The following LZTFL1 variants were observed in gnomAD, a reference collection of about 807,000 sequenced individuals.
LZTFL1 encodes the protein leucine zipper transcription factor-like protein 1.
LZTFL1 carries 25 observed loss-of-function variants against 45.9 expected under a neutral mutation model. The observed-to-expected ratio is 0.54, with a 90% CI of 0.40 to 0.76. The LOEUF (loss-of-function observed/expected upper bound fraction) is 0.76, where lower values mean the gene tolerates loss of function less well. LZTFL1 is among the 30% of genes least tolerant of loss of function. The pLI is 0.00. For missense variants in LZTFL1, 277 were observed against 331.1 expected, an observed-to-expected ratio of 0.84 and a Z score of 1.27; for synonymous variants, 93 against 117.4, an observed-to-expected ratio of 0.79 and a Z score of 1.35.
chr3:45,913,428 A>G (rs1177180061), intron 1 of LZTFL1, among the ~76,000 whole-genome samples: 1 of 152,196 alleles, frequency 6.6e-6, no homozygotes, highest in Admixed American at 6.5e-5. Context: ...ATTGAAACAC[A>G]ATTCTCCAAA....
Position 45,879,004 on chromosome 3 carries a change from C to G in LZTFL1, c.-214-19988G>C, listed in dbSNP as rs145027832. 2.8e-3 allele frequency among the ~76,000 whole-genome samples: 422 copies of G among 152,348 alleles called. 2 individuals carry two copies. The highest frequency in any genetic ancestry group is 9.6e-3 in the African/African-American group (401 of 41,580). ...ATTAGAATAGCCCAGGCCCTAAACA[C>G]ATAGCACCAAATGCTGGTAATGATA... is the stretch of plus-strand genomic sequence containing the variant. On this transcript the variant is annotated intron_variant, in intron 2 of 4. Transcript: ENST00000472635.
At chr3:45,843,831 C>T (rs886331448), upstream of LZTFL1, among the ~76,000 whole-genome samples, 1 of 152,196 alleles carries the variant, frequency 6.6e-6, no homozygotes, top group Non-Finnish European at 1.5e-5. Flanking sequence ...AAAGGCTGAA[C>T]TTGTACTTCA....
intron 2 of LZTFL1, among the ~76,000 whole-genome samples, chr3:45,906,468 C>T (rs1403525170): frequency 1.3e-5 from 2 of 152,186 alleles, no homozygotes; most frequent in Non-Finnish European, 2.9e-5. Context: ...GGAGGGTTGA[C>T]CAGCATTTGC....
At position 45,901,003 on chromosome 3, in the gene LZTFL1, T is replaced by C. The variant is rs1702535257; in HGVS notation, c.-215+12117A>G. 1 of 1,614,104 alleles carries C rather than the reference T, an allele frequency of 6.2e-7. No individual in the cohort carries two copies. Among genetic ancestry groups the C allele is most frequent in the African/African-American group, 1.3e-5 (1 of 74,940 alleles). On this transcript the variant is annotated intron_variant, in intron 2 of 4. Transcript: ENST00000472635. This position sits in a 1 kb window ranked among gnomAD's most constrained non-coding sequence, Gnocchi z 4.3. The stretch of plus-strand genomic sequence containing the variant: ...TTGGGCAACAGTCTTGTTATCCTTG[T>C]CTACTGGTACTGCACAAGAGTGAAG...
chr3:45,841,928 C>T, intron 1 of LZTFL1, 61 bp downstream of exon 1: 2 of 1,593,254 alleles, frequency 1.3e-6, no homozygotes, highest in African/African-American at 1.3e-5. Context: ...CGCTCAGTGT[C>T]TCCAGCCCCG....
Position 45,901,313 on chromosome 3 carries a change from G to A in LZTFL1, c.-215+11807C>T. The A allele has an allele frequency of 6.2e-7, 1 of 1,614,142 alleles. No individual in the cohort carries two copies. The highest frequency in any genetic ancestry group is 8.5e-7 in the Non-Finnish European group (1 of 1,180,022). The stretch of plus-strand genomic sequence containing the variant: ...TGGTTTGCTTTACCATCTGGGTATT[G>A]GCAGCTGCTCTCTGCATCCCAGAAA... On this transcript the variant is annotated intron_variant, in intron 2 of 4. Coordinates refer to the LZTFL1 transcript ENST00000472635. This position sits in a 1 kb window ranked among gnomAD's most constrained non-coding sequence, Gnocchi z 4.3.
chr3:45,841,878 G>T, intron 1 of LZTFL1, 111 bp downstream of exon 1: 2 of 1,405,054 alleles, frequency 1.4e-6, no homozygotes, highest in Non-Finnish European at 9.8e-7. Flanking sequence ...CTGAGGTGCG[G>T]CCAGACCCAA....
intron 2 of LZTFL1, among the ~76,000 whole-genome samples, chr3:45,908,500 A>G (rs1559430550): frequency 2.0e-5 from 3 of 152,202 alleles, no homozygotes; most frequent in South Asian, 2.1e-4. Context: ...GATGGTTATC[A>G]GTACAGGAAG....
intron 2 of LZTFL1, among the ~76,000 whole-genome samples, chr3:45,891,114 A>AT (rs1370435207): frequency 2.6e-5 from 4 of 152,176 alleles, no homozygotes; most frequent in Non-Finnish European, 5.9e-5. Flanking sequence ...AAAAAAAGTC[A>AT]TTTTTCAGAT....
chr3:45,893,030 C>T (rs369139597), intron 2 of LZTFL1, among the ~76,000 whole-genome samples: 24 of 152,156 alleles, frequency 1.6e-4, no homozygotes, highest in East Asian at 9.6e-4. Flanking sequence ...TAAGTTCTGA[C>T]GTACATACAC....
At chr3:45,827,322 A>G in intron 9 of LZTFL1, 34 bp downstream of exon 9, 1 of 1,434,024 alleles carries the variant, frequency 7.0e-7, no homozygotes. Flanking sequence ...CAATCCAGAG[A>G]GAGAAATCCA....
chr3:45,829,514 GGATCGCTT>G (rs1700756592), intron 7 of LZTFL1, among the ~76,000 whole-genome samples: 1 of 151,292 alleles, frequency 6.6e-6, no homozygotes, highest in Non-Finnish European at 1.5e-5. Flanking sequence ...TGAGGTGGGA[GGATCGCTT>G]GAGCCGGTGA....
chr3:45,861,563 A>G (rs566697474), intron 2 of LZTFL1, among the ~76,000 whole-genome samples: 2 of 152,306 alleles, frequency 1.3e-5, no homozygotes, highest in South Asian at 4.1e-4. Flanking sequence ...GCGATGATGC[A>G]TTATAGCATT....
At chr3:45,860,748 A>C (rs1701473156) in intron 2 of LZTFL1, among the ~76,000 whole-genome samples, 1 of 152,202 alleles carries the variant, frequency 6.6e-6, no homozygotes, top group Non-Finnish European at 1.5e-5. Flanking sequence ...GGAGTGTAGG[A>C]AGAGGTTGCA....
At chr3:45,849,697 A>T (rs1222675609) in intron 4 of LZTFL1, among the ~76,000 whole-genome samples, 4 of 152,234 alleles carry the variant, frequency 2.6e-5, no homozygotes, top group Non-Finnish European at 5.9e-5. Context: ...GAATGTCTTC[A>T]TTAAATCATC....
chr3:45,852,299 T>G (rs1238582547), intron 4 of LZTFL1, among the ~76,000 whole-genome samples: 2 of 152,230 alleles, frequency 1.3e-5, no homozygotes, highest in Non-Finnish European at 2.9e-5. Flanking sequence ...ACACACCCTT[T>G]AAGCCAGCAA....
rs532374013 is a variant in LZTFL1, at chr3:45,880,537, A to G, written c.-214-21521T>C. On this transcript the variant is annotated intron_variant, in intron 2 of 4. Coordinates refer to the LZTFL1 transcript ENST00000472635. ...GAAATCGGATCGTGTTATCACCTAT[A>G]TAAGTCCTTTGGGTAGCTTTCTGTA... is the stretch of plus-strand genomic sequence containing the variant. Among the ~76,000 whole-genome samples the G allele has an allele frequency of 2.6e-5, 4 of 152,194 alleles. No homozygotes were observed. The South Asian group carries it at 6.2e-4, about 24-fold the overall frequency.
chr3:45,838,424 G>A (rs118057205), intron 1 of LZTFL1, among the ~76,000 whole-genome samples: 2,038 of 152,302 alleles, frequency 0.013, 111 homozygotes, highest in Admixed American at 0.11. Context: ...AGGGCCCCAC[G>A]TCTCTACCTC....
At chr3:45,888,670 T>C (rs939901883) in intron 2 of LZTFL1, among the ~76,000 whole-genome samples, 23 of 152,196 alleles carry the variant, frequency 1.5e-4, no homozygotes, top group African/African-American at 4.6e-4. Context: ...ACTCTCAGTA[T>C]GTTTGGTCAT....
Sources: allele counts gnomAD v4.1 joint callset (sites outside exome capture counted in the v4.1 genomes callset), GRCh38; gene constraint gnomAD v4.1.1; non-coding constraint Gnocchi (gnomAD v3.1); transcripts MANE v1.5; gene names NCBI Gene and HGNC (gene_info 2026-07-23, HGNC 2026-07-21).